FBP1: variants seen among roughly 807,000 people sequenced by gnomAD.
The protein encoded by FBP1 is fructose-bisphosphatase 1, also known as fructose-1,6-bisphosphatase 1.
FBP1 carries 22 observed loss-of-function variants against 29.9 expected under a neutral mutation model. The ratio of observed to expected loss-of-function variants is 0.74; its 90% CI spans 0.53 to 1.05. FBP1 has a LOEUF of 1.05. Among genes scored for constraint, FBP1 ranks in the 50% least tolerant of loss-of-function variants. The probability of loss-of-function intolerance (pLI) is 0.00; values close to 1 mark genes in which losing one functional copy is unlikely to be tolerated. For missense variants in FBP1, 345 were observed against 448.2 expected (o/e 0.77, Z 2.08); for synonymous variants, 175 against 178.6 (o/e 0.98, Z 0.16).
Position 94,635,578 on chromosome 9 carries a change from C to T in FBP1, c.170+3563G>A, listed in dbSNP as rs1188421180. On this transcript the variant is annotated intron_variant, in intron 1 of 6. Coordinates refer to ENST00000375326, the MANE Select transcript of FBP1 (RefSeq NM_000507.4). ...AATGCTGGTTTTTCTTTCTGGATTT[C>T]AATGCCTGGAATGAATGTAGGTTGG... is the stretch of plus-strand genomic sequence containing the variant. Among the ~76,000 whole-genome samples, 9 of 152,214 alleles carry T rather than the reference C, an allele frequency of 5.9e-5. No homozygotes were observed. The East Asian group carries it at 1.3e-3, about 23-fold the overall frequency.
At chr9:94,606,299 T>C (rs903639016) in intron 5 of FBP1, among the ~76,000 whole-genome samples, 3 of 152,170 alleles carry the variant, frequency 2.0e-5, no homozygotes, top group Admixed American at 6.5e-5. Context: ...GATGTCACGA[T>C]GGGCACTCTC....
At chr9:94,624,225 CTA>C (rs1827989670) in intron 1 of FBP1, among the ~76,000 whole-genome samples, 3 of 151,648 alleles carry the variant, frequency 2.0e-5, no homozygotes, top group African/African-American at 7.3e-5. Context: ...GTAGTCCCAG[CTA>C]CTCAGGAGGC....
intron 4 of FBP1, among the ~76,000 whole-genome samples, chr9:94,609,511 C>G (rs946179555): frequency 6.6e-6 from 1 of 152,176 alleles, no homozygotes; most frequent in East Asian, 1.9e-4. Flanking sequence ...TTAATAGAAG[C>G]CTTGGCAAGG....
At chr9:94,623,341 AG>A (rs1256471205) in intron 1 of FBP1, among the ~76,000 whole-genome samples, 1 of 152,224 alleles carries the variant, frequency 6.6e-6, no homozygotes, top group African/African-American at 2.4e-5. Context: ...GACCAGAAGA[AG>A]GGCTTCAAGG....
At chr9:94,632,837 C>T (rs4744360) in intron 1 of FBP1, among the ~76,000 whole-genome samples, 66,424 of 152,090 alleles carry the variant, frequency 0.44, 14,775 homozygotes, top group Middle Eastern at 0.49. Flanking sequence ...TCCTCACAGA[C>T]GTTGAATGGC....
In FBP1 at chr9:94,639,424, C is replaced by T. The variant is rs931146443; in HGVS notation, c.-114G>A. On this transcript the variant is annotated 5_prime_UTR_variant, in exon 1 of 7. Coordinates refer to ENST00000375326, the MANE Select transcript of FBP1 (RefSeq NM_000507.4). ...GGCCGCAGGTGCGGAGCTGCAGGTG[C>T]GGGCGGCAGGTGCGGGCCGCGGGAC... 3.9e-6 allele frequency: 5 copies of T among 1,281,338 alleles called. No homozygotes were observed. Among genetic ancestry groups the T allele is most frequent in the Admixed American group, 2.0e-5 (1 of 50,398 alleles). 79.4% of individuals were successfully genotyped at this position (1,281,338 alleles called of 1,614,324 possible). A position where few individuals can be genotyped will look rare whatever the true frequency, so the allele number is the denominator to read the frequency against.
At chr9:94,615,368 T>C (rs1203698484) in intron 3 of FBP1, among the ~76,000 whole-genome samples, 1 of 152,186 alleles carries the variant, frequency 6.6e-6, no homozygotes, top group African/African-American at 2.4e-5. Context: ...CCCAGGTTTT[T>C]TTTCCTTAAA....
intron 1 of FBP1, among the ~76,000 whole-genome samples, chr9:94,637,189 T>C (rs542225766): frequency 6.6e-6 from 1 of 152,230 alleles, no homozygotes; most frequent in South Asian, 2.1e-4. Flanking sequence ...CTGCTTAATA[T>C]TCAAAAATAA....
chr9:94,637,000 C>T (rs1030712267), intron 1 of FBP1, among the ~76,000 whole-genome samples: 3 of 152,008 alleles, frequency 2.0e-5, no homozygotes, highest in African/African-American at 7.2e-5. Context: ...GACAAGCCCT[C>T]TTTTTAAAAT....
At chr9:94,611,098 C>T (rs1336866297) in intron 3 of FBP1, among the ~76,000 whole-genome samples, 1 of 152,038 alleles carries the variant, frequency 6.6e-6, no homozygotes, top group African/African-American at 2.4e-5. Flanking sequence ...TTCCTGACCT[C>T]GTGATCCACC....
At position 94,639,503 on chromosome 9, in the gene FBP1, G is replaced by GGT; in HGVS notation, c.-195_-194dup. 1.5e-6 allele frequency: 1 copy of GGT among 674,910 alleles called. No homozygotes were observed. Among genetic ancestry groups the GGT allele is most frequent in the East Asian group, 2.7e-5 (1 of 36,740 alleles). 41.8% of individuals were successfully genotyped at this position (674,910 alleles called of 1,614,324 possible). ...CGCCCCGAGTGTCCGCAGCGCTCGT[G>GGT]GTGCAACTGGGCCAGGCCAGGCGCC... is the stretch of plus-strand genomic sequence containing the variant. On this transcript the variant is annotated 5_prime_UTR_variant, in exon 1 of 7. Transcript: ENST00000375326.
chr9:94,605,308 C>T, intron 6 of FBP1, 149 bp downstream of exon 6: 1 of 801,934 alleles, frequency 1.2e-6, no homozygotes, highest in Non-Finnish European at 2.0e-6. Flanking sequence ...CTGGCTTTAC[C>T]TTTAATCCAC....
At chr9:94,603,969 C>A in intron 6 of FBP1, 1 of 323,126 alleles carries the variant, frequency 3.1e-6, no homozygotes, top group Non-Finnish European at 6.0e-6. Context: ...TAAAAAAAAT[C>A]CATGGTGGTG....
chr9:94,605,215 T>C (rs1445191815), intron 6 of FBP1, among the ~76,000 whole-genome samples: 1 of 152,156 alleles, frequency 6.6e-6, no homozygotes, highest in Admixed American at 6.5e-5. Flanking sequence ...GGACTTTCAG[T>C]CCTCGTCCTG....
chr9:94,634,844 C>T (rs12000108), intron 1 of FBP1, among the ~76,000 whole-genome samples: 8,086 of 152,134 alleles, frequency 0.053, 750 homozygotes, highest in African/African-American at 0.18. Flanking sequence ...CACTTCTAAT[C>T]CCAGCACTTT....
chr9:94,609,377 C>G (rs1344702848), intron 4 of FBP1, among the ~76,000 whole-genome samples: 1 of 152,200 alleles, frequency 6.6e-6, no homozygotes, highest in Non-Finnish European at 1.5e-5. Context: ...TGGATGGATA[C>G]AGTTTATGGC....
chr9:94,633,428 C>G (rs1425434209), intron 1 of FBP1, among the ~76,000 whole-genome samples: 1 of 152,188 alleles, frequency 6.6e-6, no homozygotes, highest in African/African-American at 2.4e-5. Flanking sequence ...TTCTATACCC[C>G]CAAAAGTGTA....
At chr9:94,625,931 C>T (rs1045334719) in intron 1 of FBP1, among the ~76,000 whole-genome samples, 2 of 152,152 alleles carry the variant, frequency 1.3e-5, no homozygotes, top group African/African-American at 4.8e-5. Context: ...CTGCATCCAC[C>T]AAGCCACACA....
At position 94,614,091 on chromosome 9, in the gene FBP1, AAAAG is replaced by A. The variant is rs770898711; in HGVS notation, c.426+3673_426+3676del. Reference sequence around the variant, plus strand: ...GGAGACTCCATCTCAAAAAAAGAAAAAAAGAAAGAAAAAGGAAGAAGGAAGAAAA... The same window carrying A: ...GGAGACTCCATCTCAAAAAAAGAAAAAAAGAAAAAGGAAGAAGGAAGAAAA... On this transcript the variant is annotated intron_variant, in intron 3 of 6. Transcript: ENST00000375326. 1.3e-3 allele frequency among the ~76,000 whole-genome samples: 201 copies of A among 149,186 alleles called. 1 individual carries two copies. The highest frequency in any genetic ancestry group is 2.3e-3 in the Non-Finnish European group (154 of 67,064).
Sources: gnomAD v4.1 joint callset for allele counts (sites outside exome capture counted in the v4.1 genomes callset) on GRCh38, gnomAD v4.1.1 for gene constraint, MANE v1.5 for transcripts, NCBI Gene and HGNC (gene_info 2026-07-23, HGNC 2026-07-21) for gene names.